SLC17A7: variants seen among roughly 807,000 people sequenced by gnomAD.
SLC17A7 encodes the protein solute carrier family 17 member 7.
In SLC17A7, 15 loss-of-function variants were observed where a neutral mutation model predicts 59.1. That is an observed-to-expected ratio of 0.25 (90% CI 0.17 to 0.39). The LOEUF (loss-of-function observed/expected upper bound fraction) is 0.39, where lower values mean the gene tolerates loss of function less well. Ranked by LOEUF, SLC17A7 falls within the 10% of genes least tolerant of loss-of-function variation. The pLI, the probability that SLC17A7 is intolerant of heterozygous loss-of-function variation, is 1.00. For missense variants in SLC17A7, 499 were observed against 765.1 expected (o/e 0.65, Z 4.10); for synonymous variants, 353 against 308.9 (o/e 1.14, Z -1.50).
At position 49,436,954 on chromosome 19, in the gene SLC17A7, T is replaced by C. The variant is rs1600988347; in HGVS notation, c.63-153A>G. On this transcript the variant is annotated intron_variant, in intron 1 of 11. Transcript: ENST00000221485. The surrounding 1 kb of genome is among the most constrained non-coding windows in gnomAD (Gnocchi z 4.1). Reference sequence around the variant, plus strand: ...CAAGAGTCCAGGTCCCTGGCTCCCTTCGCCCCCCTGATCCAGAAATCCTCC... The same window carrying C: ...CAAGAGTCCAGGTCCCTGGCTCCCTCCGCCCCCCTGATCCAGAAATCCTCC... The C allele has an allele frequency of 8.8e-7, 1 of 1,139,306 alleles. No individual in the cohort carries two copies. The highest frequency in any genetic ancestry group is 2.6e-5 in the East Asian group (1 of 38,348). The allele number at this position is 1,139,306 out of a possible 1,614,324, so 70.6% of individuals were successfully genotyped here.
chr19:49,435,433 T>C, intron 2 of SLC17A7, 147 bp from the exon 3 acceptor site: 1 of 647,414 alleles, frequency 1.5e-6, no homozygotes, highest in South Asian at 1.9e-5. Flanking sequence ...GCTCACACTA[T>C]CTTTCTGTCA....
chr19:49,432,415 G>A (rs1489565613), intron 9 of SLC17A7, 104 bp downstream of exon 9: 2 of 1,433,624 alleles, frequency 1.4e-6, no homozygotes, highest in Admixed American at 4.4e-5. Flanking sequence ...GACTCCTGGG[G>A]CAGGCTGGAT....
chr19:49,441,419 C>G lies in SLC17A7; in HGVS notation c.-40G>C, dbSNP rs773595714. The G allele has an allele frequency of 1.8e-5, 26 of 1,433,658 alleles. No individual in the cohort carries two copies. The highest frequency in any genetic ancestry group is 2.2e-5 in the Non-Finnish European group (24 of 1,092,178). 88.8% of individuals were successfully genotyped at this position (1,433,658 alleles called of 1,614,324 possible). A position where few individuals can be genotyped will look rare whatever the true frequency, so the allele number is the denominator to read the frequency against. On this transcript the variant is annotated 5_prime_UTR_variant, in exon 1 of 12. Coordinates refer to ENST00000221485, the MANE Select transcript of SLC17A7 (RefSeq NM_020309.4). ...CCGCCGGTCACCCCGCGGGTCCCCC[C>G]CGCCGATCCCCCCGCCCGCGGGCCC...
chr19:49,437,105 T>G, intron 1 of SLC17A7: 1 of 463,608 alleles, frequency 2.2e-6, no homozygotes, highest in Non-Finnish European at 3.9e-6. Context: ...GACAACCCTT[T>G]GGGATTCAAG....
chr19:49,433,393 C>G lies in SLC17A7; in HGVS notation c.867+333G>C, dbSNP rs1213927049. On this transcript the variant is annotated intron_variant, in intron 7 of 11. Coordinates refer to ENST00000221485, the MANE Select transcript of SLC17A7 (RefSeq NM_020309.4). The surrounding 1 kb of genome is among the most constrained non-coding windows in gnomAD (Gnocchi z 5.7). ...GCAGGCGGAAGCCACTGAGCCTGCC[C>G]TAGGAGTCTCTTTTTATCAAAAATG... The G allele has an allele frequency of 2.1e-6, 1 of 465,596 alleles. No homozygotes were observed. Among genetic ancestry groups the G allele is most frequent in the Non-Finnish European group, 4.0e-6 (1 of 250,852 alleles). The allele number at this position is 465,596 out of a possible 1,614,324, so 28.8% of individuals were successfully genotyped here.
Position 49,431,279 on chromosome 19 carries a change from C to T in SLC17A7, c.1261+59G>A, listed in dbSNP as rs2078958378. 6.3e-7 allele frequency: 1 copy of T among 1,592,796 alleles called. No homozygotes were observed. The highest frequency in any genetic ancestry group is 8.6e-7 in the Non-Finnish European group (1 of 1,164,722). ...AGGCTGAGAGGCCCCGTTCCTGAGCCAGGAAGTTCCCTACAGAGCTGACCA... is the reference window on the plus strand; with the variant it reads ...AGGCTGAGAGGCCCCGTTCCTGAGCTAGGAAGTTCCCTACAGAGCTGACCA... On this transcript the variant is annotated intron_variant, in intron 10 of 11. Transcript: ENST00000221485. The surrounding 1 kb of genome is among the most constrained non-coding windows in gnomAD (Gnocchi z 4.6).
At position 49,430,396 on chromosome 19, in the gene SLC17A7, G is replaced by A; in HGVS notation, c.*123C>T. 1 of 679,548 alleles carries A rather than the reference G, an allele frequency of 1.5e-6. No individual in the cohort carries two copies. Among genetic ancestry groups the A allele is most frequent in the Non-Finnish European group, 2.5e-6 (1 of 406,598 alleles). The allele number at this position is 679,548 out of a possible 1,614,324, so 42.1% of individuals were successfully genotyped here. A position where few individuals can be genotyped will look rare whatever the true frequency, so the allele number is the denominator to read the frequency against. ...GAGGATTTGACAGCACTGGGAACAA[G>A]GGAGAGTGCTTCTTAGGCCTGAGGC... On this transcript the variant is annotated 3_prime_UTR_variant, in exon 12 of 12. Coordinates refer to ENST00000221485, the MANE Select transcript of SLC17A7 (RefSeq NM_020309.4).
At position 49,430,753 on chromosome 19, in the gene SLC17A7, G is replaced by A; in HGVS notation, c.1449C>T (p.Val483=). 6.2e-7 allele frequency: 1 copy of A among 1,614,098 alleles called. No individual in the cohort carries two copies. The highest frequency in any genetic ancestry group is 8.5e-7 in the Non-Finnish European group (1 of 1,180,000). Residue 483 remains valine, a synonymous_variant, in exon 12 of 12, where the codon GTC becomes GTT. Transcript: ENST00000221485. ...CAGAAGCAAAGACCCCGTAGAAGAT[G>A]ACACCTCCATAGTGCACCAGGGAGG... is the stretch of plus-strand genomic sequence containing the variant. ...LIASLVHYGG[V]IFYGVFASGE... is the part of the protein sequence containing the mutation.
rs921486619 is a variant in SLC17A7, at chr19:49,430,359, T to C, written c.*160A>G. ...CAGCTTCACTACCCCTGAGAGGCAA[T>C]TGGGAAGGAAAGAGGATTTGACAGC... On this transcript the variant is annotated 3_prime_UTR_variant, in exon 12 of 12. Coordinates refer to ENST00000221485, the MANE Select transcript of SLC17A7 (RefSeq NM_020309.4). 6.2e-5 allele frequency: 34 copies of C among 551,260 alleles called. No individual in the cohort carries two copies. Among genetic ancestry groups the C allele is most frequent in the African/African-American group, 1.5e-4 (8 of 51,740 alleles). The allele number at this position is 551,260 out of a possible 1,614,324, so 34.1% of individuals were successfully genotyped here.
chr19:49,436,982 C>T lies in SLC17A7; in HGVS notation c.63-181G>A. 1 of 836,256 alleles carries T rather than the reference C, an allele frequency of 1.2e-6. No homozygotes were observed. The highest frequency in any genetic ancestry group is 1.7e-5 in the African/African-American group (1 of 57,670). 51.8% of individuals were successfully genotyped at this position (836,256 alleles called of 1,614,324 possible). On this transcript the variant is annotated intron_variant, in intron 1 of 11. Coordinates refer to ENST00000221485, the MANE Select transcript of SLC17A7 (RefSeq NM_020309.4). The surrounding 1 kb of genome is among the most constrained non-coding windows in gnomAD (Gnocchi z 4.1). ...CCCCCCTGATCCAGAAATCCTCCAT[C>T]TCCCTCAGACCGGGAATTCAGGCCC...
intron 1 of SLC17A7, among the ~76,000 whole-genome samples, chr19:49,441,037 C>A (rs1034261951): frequency 1.3e-5 from 2 of 151,964 alleles, no homozygotes; most frequent in African/African-American, 4.8e-5. Flanking sequence ...GGACAGAGAC[C>A]CAGAAGTGGT....
chr19:49,433,218 G>T lies in SLC17A7; in HGVS notation c.868-258C>A. On this transcript the variant is annotated intron_variant, in intron 7 of 11. Transcript: ENST00000221485. This position sits in a 1 kb window ranked among gnomAD's most constrained non-coding sequence, Gnocchi z 5.7. The stretch of plus-strand genomic sequence containing the variant: ...GTCCGCAGGTGTCCGGGCCCCTCAG[G>T]GACCTGTCTTTTTCTTTTTTTCTTT... 2 of 533,700 alleles carry T rather than the reference G, an allele frequency of 3.7e-6. No individual in the cohort carries two copies. Among genetic ancestry groups the T allele is most frequent in the Non-Finnish European group, 6.6e-6 (2 of 304,240 alleles). 33.1% of individuals were successfully genotyped at this position (533,700 alleles called of 1,614,324 possible). A position where few individuals can be genotyped will look rare whatever the true frequency, so the allele number is the denominator to read the frequency against.
Position 49,436,708 on chromosome 19 carries a change from C to A in SLC17A7, c.156G>T (p.Val52=), listed in dbSNP as rs1178629230. The change falls in exon 2 of 12, where the codon GTG becomes GTT. Residue 52 remains valine (V), a synonymous_variant. Coordinates refer to ENST00000221485, the MANE Select transcript of SLC17A7 (RefSeq NM_020309.4). This position sits in a 1 kb window ranked among gnomAD's most constrained non-coding sequence, Gnocchi z 4.1. ...GAGGGAGGCCGAAGCAGGTGCAGTC[C>A]ACCACCGGCGGGTCCCGGGTCTGCG... ...VTTQTRDPPV[V]DCTCFGLPRR... 1 of 1,613,348 alleles carries A rather than the reference C, an allele frequency of 6.2e-7. No homozygotes were observed. The highest frequency in any genetic ancestry group is 8.5e-7 in the Non-Finnish European group (1 of 1,179,952).
rs1036281725 is a variant in SLC17A7 at position 49,436,310 on chromosome 19, A to G, written c.315+239T>C. 2.8e-5 allele frequency: 16 copies of G among 577,646 alleles called. 1 individual carries two copies. Among genetic ancestry groups the G allele is most frequent in the Middle Eastern group, 4.7e-4 (1 of 2,138 alleles). 35.8% of individuals were successfully genotyped at this position (577,646 alleles called of 1,614,324 possible). ...GTTGGGGCGGACTCTACATTTTTCAATCAAGCCCCTGGAAATAAGGGCGGG... is the reference window on the plus strand; with the variant it reads ...GTTGGGGCGGACTCTACATTTTTCAGTCAAGCCCCTGGAAATAAGGGCGGG... On this transcript the variant is annotated intron_variant, in intron 2 of 11. Transcript: ENST00000221485. The surrounding 1 kb of genome is among the most constrained non-coding windows in gnomAD (Gnocchi z 4.1).
Position 49,434,890 on chromosome 19 carries a change from G to C in SLC17A7, c.435-8C>G, listed in dbSNP as rs190387071. ...ATAGCAAAGCCGAAAACTCTGATGG[G>C]AAGGGTCAGAGAAAAGAATCCAAGC... On this transcript the variant is annotated splice_polypyrimidine_tract_variant and splice_region_variant and intron_variant, in intron 3 of 11. Transcript: ENST00000221485. 3.1e-6 allele frequency: 5 copies of C among 1,608,088 alleles called. No homozygotes were observed. The East Asian group carries it at 1.1e-4, about 36-fold the overall frequency.
rs773814218 is a variant in SLC17A7, at chr19:49,434,022, G to C, written c.662C>G (p.Ala221Gly). ...FCGSYAGAVV[A>G]MPLAGVLVQY... ...CACAAGGACCCCGGCGAGGGGCATC[G>C]CGACCACCGCCCCAGCATAGGAACC... The change falls in exon 6 of 12, where the codon GCG becomes GGG. Residue 221 changes from alanine (A) to glycine (G), a missense_variant. Coordinates refer to ENST00000221485, the MANE Select transcript of SLC17A7 (RefSeq NM_020309.4). The C allele has an allele frequency of 2.5e-6, 4 of 1,613,088 alleles. No individual in the cohort carries two copies. The highest frequency in any genetic ancestry group is 1.1e-5 in the South Asian group (1 of 91,078).
chr19:49,433,834 C>A lies in SLC17A7; in HGVS notation c.759G>T (p.Leu253=). The stretch of plus-strand genomic sequence containing the variant: ...GCGCGGGGGACTCGTAGGAGACGAG[C>A]AGCCAGAACAGGTACCAGAAGATCC... ...SFGIFWYLFW[L]LVSYESPALH... is the part of the protein sequence containing the mutation. Residue 253 remains leucine, a synonymous_variant, in exon 7 of 12, where the codon CTG becomes CTT. Coordinates refer to ENST00000221485, the MANE Select transcript of SLC17A7 (RefSeq NM_020309.4). This position sits in a 1 kb window ranked among gnomAD's most constrained non-coding sequence, Gnocchi z 5.7. 1 of 1,612,692 alleles carries A rather than the reference C, an allele frequency of 6.2e-7. No individual in the cohort carries two copies. The highest frequency in any genetic ancestry group is 1.7e-5 in the Admixed American group (1 of 59,952).
At chr19:49,437,009 C>A in intron 1 of SLC17A7, 1 of 668,484 alleles carries the variant, frequency 1.5e-6, no homozygotes. Context: ...TTCAGGCCCC[C>A]AGCCCCCTCC....
chr19:49,432,781 GC>G (rs764286365), intron 8 of SLC17A7, 29 bp downstream of exon 8: 4 of 1,583,986 alleles, frequency 2.5e-6, no homozygotes, highest in African/African-American at 2.7e-5. Context: ...ACCCCTCCGC[GC>G]CCCCCTGCCC....
Sources: allele counts gnomAD v4.1 joint callset (sites outside exome capture counted in the v4.1 genomes callset), GRCh38; gene constraint gnomAD v4.1.1; non-coding constraint Gnocchi (gnomAD v3.1); transcripts MANE v1.5; gene names NCBI Gene and HGNC (gene_info 2026-07-23, HGNC 2026-07-21).